The following TENM3 variants were observed in gnomAD, a reference collection of about 807,000 sequenced individuals.
The protein encoded by TENM3 is teneurin-3.
In TENM3, 63 loss-of-function variants were observed where a neutral mutation model predicts 255.1. The ratio of observed to expected loss-of-function variants is 0.25; its 90% CI spans 0.20 to 0.30. TENM3 has a LOEUF of 0.30. Among genes scored for constraint, TENM3 ranks in the 10% least tolerant of loss-of-function variants. TENM3 has a pLI of 1.00. For synonymous variants in TENM3, 1,306 were observed against 1,322.3 expected (o/e 0.99, Z 0.27); for missense variants, 2,929 against 3,461.1 (o/e 0.85, Z 3.86).
At chr4:181,490,269 T>A in the TENM3 span, among the ~76,000 whole-genome samples, 2 of 152,150 alleles carry the variant, frequency 1.3e-5, no homozygotes, top group Non-Finnish European at 2.9e-5. Flanking sequence ...TTGTTTGCAG[T>A]TTCATGAGGG....
chr4:181,777,347 G>T, the TENM3 span, among the ~76,000 whole-genome samples: 1 of 152,070 alleles, frequency 6.6e-6, no homozygotes, highest in South Asian at 2.1e-4. Flanking sequence ...ATAGCGTGAT[G>T]CCTCCAGCTT....
the TENM3 span, among the ~76,000 whole-genome samples, chr4:181,660,150 C>T: frequency 6.6e-6 from 1 of 152,008 alleles, no homozygotes. Flanking sequence ...GTTCCTAATT[C>T]GCTCTATACT....
intron 3 of TENM3, among the ~76,000 whole-genome samples, chr4:182,515,451 A>G (rs1026843095): frequency 1.3e-5 from 2 of 152,196 alleles, no homozygotes; most frequent in Non-Finnish European, 2.9e-5. Context: ...TAGCTTAGAA[A>G]TGGACAGCCT....
At chr4:182,326,009 G>A (rs1341611000) in intron 2 of TENM3, among the ~76,000 whole-genome samples, 1 of 152,146 alleles carries the variant, frequency 6.6e-6, no homozygotes, top group South Asian at 2.1e-4. Flanking sequence ...GCCCTGAAAC[G>A]GAGGTTCATA....
rs182167076 is a variant in TENM3, at chr4:182,358,952, C to A, written c.511+12023C>A. 7.0e-3 allele frequency among the ~76,000 whole-genome samples: 1,069 copies of A among 151,916 alleles called. 4 individuals are homozygous for A. Among genetic ancestry groups the A allele is most frequent in the East Asian group, 0.016 (85 of 5,166 alleles). Reference sequence around the variant, plus strand: ...AAGGGTTGTTGAATTTTGTCAAAGGCCTTTCCTGCATCTATTGAGATAATC... The same window carrying A: ...AAGGGTTGTTGAATTTTGTCAAAGGACTTTCCTGCATCTATTGAGATAATC... On this transcript the variant is annotated intron_variant, in intron 3 of 27. Transcript: ENST00000511685.
the TENM3 span, among the ~76,000 whole-genome samples, chr4:181,935,839 C>T: frequency 6.6e-6 from 1 of 152,154 alleles, no homozygotes; most frequent in African/African-American, 2.4e-5. Flanking sequence ...TGGAAATCTC[C>T]CCTATTCTTG....
the TENM3 span, among the ~76,000 whole-genome samples, chr4:181,584,762 G>A: frequency 6.6e-6 from 1 of 152,014 alleles, no homozygotes; most frequent in African/African-American, 2.4e-5. Context: ...AATTACAATT[G>A]CACCTCATTG....
At chr4:181,493,351 A>G in the TENM3 span, among the ~76,000 whole-genome samples, 3 of 151,952 alleles carry the variant, frequency 2.0e-5, no homozygotes, top group African/African-American at 4.8e-5. Context: ...AGCATGCCAA[A>G]AGATTAAGGT....
intron 1 of TENM3, among the ~76,000 whole-genome samples, chr4:182,263,491 T>C (rs1023351606): frequency 6.6e-6 from 1 of 152,152 alleles, no homozygotes. Flanking sequence ...CACTATGAGA[T>C]GTTAACTGCT....
the TENM3 span, among the ~76,000 whole-genome samples, chr4:181,678,274 T>C: frequency 6.6e-6 from 1 of 151,720 alleles, no homozygotes; most frequent in Non-Finnish European, 1.5e-5. Flanking sequence ...GAAGAAGGGG[T>C]TTGTGGGAAG....
intron 3 of TENM3, among the ~76,000 whole-genome samples, chr4:182,417,601 T>C (rs1770485431): frequency 6.6e-6 from 1 of 152,164 alleles, no homozygotes. Context: ...GGACTTAGTA[T>C]CTAATAAACG....
At chr4:182,008,517 G>C in the TENM3 span, among the ~76,000 whole-genome samples, 3 of 151,420 alleles carry the variant, frequency 2.0e-5, no homozygotes, top group African/African-American at 7.3e-5. Context: ...TCTTCTGCTT[G>C]GTCTATTCGA....
rs1287923614 is a variant in TENM3 at position 182,479,601 on chromosome 4, A to G, written c.512-121323A>G. Among the ~76,000 whole-genome samples, 130 of 152,034 alleles carry G rather than the reference A, an allele frequency of 8.6e-4. 1 individual carries two copies. The highest frequency in any genetic ancestry group is 1.9e-4 in the Non-Finnish European group (13 of 67,888). ...TGGGATTTGAGTGTTTGAAGAAAGC[A>G]TTGAGGGAGGCATTTCTTTAGAAAC... On this transcript the variant is annotated intron_variant, in intron 3 of 27. Coordinates refer to ENST00000511685, the MANE Select transcript of TENM3 (RefSeq NM_001080477.4).
At chr4:182,255,276 C>T (rs893455160) in intron 1 of TENM3, among the ~76,000 whole-genome samples, 7 of 152,070 alleles carry the variant, frequency 4.6e-5, no homozygotes, top group African/African-American at 1.4e-4. Flanking sequence ...GTAAGCGCAT[C>T]ATGATAATGT....
intron 3 of TENM3, among the ~76,000 whole-genome samples, chr4:182,481,250 A>G (rs1385651257): frequency 6.6e-6 from 1 of 152,196 alleles, no homozygotes; most frequent in Non-Finnish European, 1.5e-5. Flanking sequence ...GGAGTTAAAG[A>G]GAAAGTCCAG....
chr4:182,076,857 C>T, the TENM3 span, among the ~76,000 whole-genome samples: 6 of 152,126 alleles, frequency 3.9e-5, no homozygotes, highest in African/African-American at 7.2e-5. Flanking sequence ...TCCCATACAG[C>T]GCTTTATAAA....
intron 3 of TENM3, among the ~76,000 whole-genome samples, chr4:182,457,131 G>A (rs1358980125): frequency 6.7e-6 from 1 of 150,280 alleles, no homozygotes; most frequent in Non-Finnish European, 1.5e-5. Flanking sequence ...GTTGCAGTGA[G>A]CCGAGATTGT....
chr4:182,580,527 T>C (rs907394504), intron 3 of TENM3, among the ~76,000 whole-genome samples: 1 of 152,184 alleles, frequency 6.6e-6, no homozygotes, highest in African/African-American at 2.4e-5. Flanking sequence ...GATCATGATG[T>C]GACCATTTCA....
At chr4:181,484,838 G>T in the TENM3 span, among the ~76,000 whole-genome samples, 1 of 152,160 alleles carries the variant, frequency 6.6e-6, no homozygotes, top group East Asian at 1.9e-4. Context: ...CTAATTTTAT[G>T]TAAGGCCGGG....
Sources: gnomAD v4.1 joint callset for allele counts (sites outside exome capture counted in the v4.1 genomes callset) on GRCh38, gnomAD v4.1.1 for gene constraint, MANE v1.5 for transcripts, NCBI Gene and HGNC (gene_info 2026-07-23, HGNC 2026-07-21) for gene names.